The following MECOM variants were observed in gnomAD, a reference collection of about 807,000 sequenced individuals.
MECOM encodes the protein MDS1 and EVI1 complex locus.
Under a neutral mutation model 116.3 loss-of-function variants are expected in MECOM, and 13 were observed. The observed-to-expected ratio is 0.11, with a 90% CI of 0.07 to 0.18. The LOEUF (loss-of-function observed/expected upper bound fraction) is 0.18. Among genes scored for constraint, MECOM ranks in the 10% least tolerant of loss-of-function variants. MECOM has a pLI of 1.00. For missense variants in MECOM, 1,299 were observed against 1,509.0 expected (o/e 0.86, Z 2.31); for synonymous variants, 528 against 535.2 (o/e 0.99, Z 0.19).
At chr3:169,354,792 C>CA (rs895438219) in intron 2 of MECOM, among the ~76,000 whole-genome samples, 14 of 151,814 alleles carry the variant, frequency 9.2e-5, no homozygotes, top group African/African-American at 3.4e-4. Context: ...TTTTTCCCCC[C>CA]CTTCCTGAGC....
intron 1 of MECOM, among the ~76,000 whole-genome samples, chr3:169,524,687 G>A (rs1757766736): frequency 6.6e-6 from 1 of 152,136 alleles, no homozygotes; most frequent in Non-Finnish European, 1.5e-5. Flanking sequence ...TGAATTTAAG[G>A]GTAAGTGGTG....
At chr3:169,345,003 C>G (rs1725105246) in intron 2 of MECOM, among the ~76,000 whole-genome samples, 1 of 152,114 alleles carries the variant, frequency 6.6e-6, no homozygotes, top group Non-Finnish European at 1.5e-5. Flanking sequence ...TTTATCCCTG[C>G]TACTACTGCT....
intron 2 of MECOM, among the ~76,000 whole-genome samples, chr3:169,282,686 T>C (rs1014963769): frequency 1.3e-5 from 2 of 152,266 alleles, no homozygotes; most frequent in African/African-American, 4.8e-5. Flanking sequence ...ATTAAGAATG[T>C]AATCTAGAGC....
intron 1 of MECOM, among the ~76,000 whole-genome samples, chr3:169,638,280 T>C (rs548479920): frequency 6.6e-6 from 1 of 152,330 alleles, no homozygotes; most frequent in Admixed American, 6.5e-5. Context: ...CTCACTCTTC[T>C]GCACTGTCTT....
intron 1 of MECOM, among the ~76,000 whole-genome samples, chr3:169,488,958 A>G (rs1028737830): frequency 4.6e-5 from 7 of 151,936 alleles, no homozygotes; most frequent in Admixed American, 3.9e-4. Context: ...AAAGTAAAAT[A>G]CCTTTTAAAC....
In MECOM at chr3:169,370,583, A is replaced by G. The variant is rs571724552; in HGVS notation, c.375+10604T>C. The stretch of plus-strand genomic sequence containing the variant: ...CAAAGGAAACAATCAACAAAAACAA[A>G]GAAAACCTATGGAATGGGAGAAAAT... On this transcript the variant is annotated intron_variant, in intron 2 of 16. Transcript: ENST00000651503. 5.9e-5 allele frequency among the ~76,000 whole-genome samples: 9 copies of G among 152,158 alleles called. No homozygotes were observed. The South Asian group carries it at 1.9e-3, about 31-fold the overall frequency.
intron 2 of MECOM, among the ~76,000 whole-genome samples, chr3:169,192,391 G>A (rs1308505546): frequency 1.3e-5 from 2 of 151,878 alleles, no homozygotes; most frequent in Admixed American, 1.3e-4. Context: ...TTTCCTCTCT[G>A]AGCAAGTTTT....
intron 2 of MECOM, among the ~76,000 whole-genome samples, chr3:169,259,008 C>A (rs1227781263): frequency 6.6e-6 from 1 of 152,152 alleles, no homozygotes; most frequent in Non-Finnish European, 1.5e-5. Context: ...GGTTTTGCAT[C>A]CCAAATCTCA....
chr3:169,648,251 T>A (rs1016153459), intron 1 of MECOM, among the ~76,000 whole-genome samples: 26 of 152,188 alleles, frequency 1.7e-4, no homozygotes, highest in African/African-American at 6.3e-4. Flanking sequence ...GAGTATTTTG[T>A]CTTCTTGAAG....
intron 2 of MECOM, among the ~76,000 whole-genome samples, chr3:169,207,121 T>C (rs924520522): frequency 1.3e-5 from 2 of 150,156 alleles, no homozygotes; most frequent in African/African-American, 5.0e-5. Context: ...CATGGTAATG[T>C]GCTTTCATCA....
chr3:169,390,070 T>C (rs771052793), intron 1 of MECOM, among the ~76,000 whole-genome samples: 2 of 152,232 alleles, frequency 1.3e-5, no homozygotes, highest in East Asian at 1.9e-4. Context: ...CTTGCGTCAA[T>C]ATGTTGCTGA....
intron 1 of MECOM, among the ~76,000 whole-genome samples, chr3:169,449,598 A>C (rs1029533190): frequency 6.6e-6 from 1 of 152,182 alleles, no homozygotes; most frequent in African/African-American, 2.4e-5. Flanking sequence ...AAAATAAGAT[A>C]ATCAATCAAG....
intron 1 of MECOM, among the ~76,000 whole-genome samples, chr3:169,534,721 C>T (rs184981648): frequency 1.6e-3 from 251 of 152,306 alleles, no homozygotes; most frequent in Middle Eastern, 6.8e-3. Flanking sequence ...CTAACACATG[C>T]AATCCTCATC....
chr3:169,308,602 A>G (rs77498800), intron 2 of MECOM, among the ~76,000 whole-genome samples: 2 of 152,242 alleles, frequency 1.3e-5, no homozygotes, highest in Admixed American at 1.3e-4. Flanking sequence ...ATATAACTTC[A>G]TGCATTGTAA....
At chr3:169,097,314 A>G (rs190874387) in intron 12 of MECOM, among the ~76,000 whole-genome samples, 2 of 152,106 alleles carry the variant, frequency 1.3e-5, no homozygotes, top group Non-Finnish European at 2.9e-5. Context: ...GTTACTTTCT[A>G]TCTCTCCTCT....
At chr3:169,337,200 G>C (rs1023246853) in intron 2 of MECOM, among the ~76,000 whole-genome samples, 3 of 152,138 alleles carry the variant, frequency 2.0e-5, no homozygotes, top group African/African-American at 7.2e-5. Flanking sequence ...TAGGGAGAGA[G>C]AAAGAACACC....
At chr3:169,146,870 T>C in intron 2 of MECOM, 1 of 1,027,738 alleles carries the variant, frequency 9.7e-7, no homozygotes, top group Non-Finnish European at 1.2e-6. Context: ...TGTTTAAAAA[T>C]AATAATAATA....
chr3:169,122,510 G>C, intron 6 of MECOM, 70 bp downstream of exon 6: 1 of 1,550,610 alleles, frequency 6.4e-7, no homozygotes, highest in Non-Finnish European at 8.8e-7. Context: ...TTTATATATC[G>C]TAGCAAGTGA....
At chr3:169,242,296 A>C (rs1375912501) in intron 2 of MECOM, among the ~76,000 whole-genome samples, 1 of 152,190 alleles carries the variant, frequency 6.6e-6, no homozygotes, top group East Asian at 1.9e-4. Flanking sequence ...TGCCTGCGGC[A>C]ATCAGTCCTG....
Sources: allele counts gnomAD v4.1 joint callset (sites outside exome capture counted in the v4.1 genomes callset), GRCh38; gene constraint gnomAD v4.1.1; transcripts MANE v1.5; gene names NCBI Gene and HGNC (gene_info 2026-07-23, HGNC 2026-07-21).